PIBF1: variants seen among roughly 807,000 people sequenced by gnomAD.
The protein encoded by PIBF1 is progesterone-induced-blocking factor 1.
PIBF1 carries 90 observed loss-of-function variants against 112.5 expected under a neutral mutation model. That is an observed-to-expected ratio of 0.80 (90% confidence interval 0.67 to 0.95). PIBF1 has a LOEUF of 0.95. Ranked by LOEUF, PIBF1 falls within the 40% of genes least tolerant of loss-of-function variation. The probability of loss-of-function intolerance (pLI) is 0.00; values close to 1 mark genes in which losing one functional copy is unlikely to be tolerated. For synonymous variants in PIBF1, 301 were observed against 288.6 expected, an observed-to-expected ratio of 1.04 and a Z score of -0.44; for missense variants, 915 against 852.3, an observed-to-expected ratio of 1.07 and a Z score of -0.92.
rs997002646 is a variant in PIBF1 at position 72,931,520 on chromosome 13, G to T, written c.1833+253G>T. ...CTAGACAGACAGAGCTTTGATTTCT[G>T]AGAATATCAACTGGTAAAACAGGTT... is the stretch of plus-strand genomic sequence containing the variant. On this transcript the variant is annotated intron_variant, in intron 14 of 17. Coordinates refer to ENST00000326291, the MANE Select transcript of PIBF1 (RefSeq NM_006346.4). Among the ~76,000 whole-genome samples, 15 of 151,908 alleles carry T rather than the reference G, an allele frequency of 9.9e-5. 1 individual carries two copies. The highest frequency in any genetic ancestry group is 3.6e-4 in the African/African-American group (15 of 41,374).
chr13:72,889,920 T>A (rs1260192131), intron 10 of PIBF1, among the ~76,000 whole-genome samples: 1 of 152,160 alleles, frequency 6.6e-6, no homozygotes, highest in African/African-American at 2.4e-5. Context: ...CCATGAACAT[T>A]TTGTGTACAG....
In PIBF1 at chr13:72,877,906, C is replaced by T. The variant is rs149082903; in HGVS notation, c.1323-15878C>T. On this transcript the variant is annotated intron_variant, in intron 10 of 17. Transcript: ENST00000326291. The stretch of plus-strand genomic sequence containing the variant: ...CTGGGATTACAGGCATGCACCACCA[C>T]GCCTGGTTAATTTTGTATTTTTAGT... 4.6e-3 allele frequency among the ~76,000 whole-genome samples: 697 copies of T among 151,824 alleles called. 6 individuals carry two copies. Among genetic ancestry groups the T allele is most frequent in the African/African-American group, 0.015 (639 of 41,384 alleles).
At chr13:72,987,220 A>G (rs1378527282) in intron 16 of PIBF1, among the ~76,000 whole-genome samples, 3 of 152,240 alleles carry the variant, frequency 2.0e-5, no homozygotes. Flanking sequence ...AACAGGCAGT[A>G]AGAGATTTGT....
chr13:72,783,672 C>T lies in PIBF1; in HGVS notation c.203C>T (p.Ser68Phe). Residue 68 changes from serine (S) to phenylalanine (F), a missense_variant, in exon 2 of 18, where the codon TCC becomes TTC. Transcript: ENST00000326291. ...ATTCAGTTACTAAAAATTGAGCTAT[C>T]CCAGAAAACTATGATGATCGACAAT... ...HNIQLLKIELSQKTMMIDNLK... is the reference protein window; with the variant it reads ...HNIQLLKIELFQKTMMIDNLK... The T allele has an allele frequency of 1.2e-6, 2 of 1,613,758 alleles. No homozygotes were observed. The highest frequency in any genetic ancestry group is 1.3e-5 in the African/African-American group (1 of 75,018).
chr13:72,840,088 C>G (rs971029122), intron 9 of PIBF1, among the ~76,000 whole-genome samples: 5 of 152,142 alleles, frequency 3.3e-5, no homozygotes, highest in African/African-American at 1.2e-4. Context: ...CACAGGACAC[C>G]TAACTAGCTA....
chr13:72,815,413 C>A (rs1248634101), intron 5 of PIBF1, among the ~76,000 whole-genome samples: 5 of 152,066 alleles, frequency 3.3e-5, no homozygotes, highest in Admixed American at 2.0e-4. Flanking sequence ...AAATATGTTC[C>A]CCCACCGTTC....
chr13:72,806,187 A>G (rs556122627), intron 5 of PIBF1, among the ~76,000 whole-genome samples: 2 of 152,274 alleles, frequency 1.3e-5, no homozygotes, highest in East Asian at 3.9e-4. Context: ...ACTACCCACT[A>G]GACACTGATT....
At chr13:72,943,036 G>A (rs565709333) in intron 14 of PIBF1, among the ~76,000 whole-genome samples, 2 of 152,118 alleles carry the variant, frequency 1.3e-5, no homozygotes, top group East Asian at 1.9e-4. Context: ...AAGAACAGTG[G>A]CATTTATTTC....
At chr13:72,863,033 T>C (rs2138378939) in intron 10 of PIBF1, among the ~76,000 whole-genome samples, 1 of 152,222 alleles carries the variant, frequency 6.6e-6, no homozygotes, top group Admixed American at 6.5e-5. Flanking sequence ...TGTTTGTACA[T>C]ATATAATGTT....
intron 10 of PIBF1, among the ~76,000 whole-genome samples, chr13:72,880,070 T>C (rs2039563659): frequency 6.6e-6 from 1 of 152,208 alleles, no homozygotes; most frequent in Admixed American, 6.5e-5. Context: ...TCTGTCTGTT[T>C]CTTGGAGATC....
intron 16 of PIBF1, 172 bp downstream of exon 16, chr13:72,973,847 A>G: frequency 1.9e-6 from 1 of 517,774 alleles, no homozygotes; most frequent in Non-Finnish European, 3.4e-6. Context: ...TCTTAGAGTT[A>G]ATTCTTATTC....
At chr13:72,985,294 G>A (rs1306683205) in intron 16 of PIBF1, among the ~76,000 whole-genome samples, 6 of 145,466 alleles carry the variant, frequency 4.1e-5, no homozygotes, top group African/African-American at 7.6e-5. Flanking sequence ...TCGGGAGGCC[G>A]AAGCAGGGGG....
intron 11 of PIBF1, among the ~76,000 whole-genome samples, chr13:72,897,463 A>G (rs2040324343): frequency 6.6e-6 from 1 of 152,224 alleles, no homozygotes; most frequent in Non-Finnish European, 1.5e-5. Flanking sequence ...GGTACCTCAC[A>G]TTTCAGTACT....
intron 11 of PIBF1, among the ~76,000 whole-genome samples, chr13:72,902,439 T>A (rs138057055): frequency 6.6e-6 from 1 of 151,664 alleles, no homozygotes; most frequent in Non-Finnish European, 1.5e-5. Context: ...AAGAATTGAT[T>A]GTTGGCATCT....
At chr13:72,915,582 G>A (rs1285161346) in intron 12 of PIBF1, among the ~76,000 whole-genome samples, 2 of 152,042 alleles carry the variant, frequency 1.3e-5, no homozygotes, top group Non-Finnish European at 2.9e-5. Context: ...AACTATTAAG[G>A]AGAAACAAGA....
intron 4 of PIBF1, among the ~76,000 whole-genome samples, chr13:72,797,552 C>T (rs1433922551): frequency 4.6e-5 from 7 of 152,114 alleles, no homozygotes; most frequent in Non-Finnish European, 4.4e-5. Context: ...GGGGGAAGAA[C>T]TTCTCTAGCA....
rs141174293 is a variant in PIBF1 at position 73,000,489 on chromosome 13, G to A, written c.2223+1494G>A. Among the ~76,000 whole-genome samples the A allele has an allele frequency of 7.8e-3, 1,182 of 152,236 alleles. 7 individuals are homozygous for A. The highest frequency in any genetic ancestry group is 0.024 in the Middle Eastern group (7 of 294). On this transcript the variant is annotated intron_variant, in intron 17 of 17. Transcript: ENST00000326291. ...ACACAGTTCCAAATACAGCTGCCGA[G>A]GACTGTTTATTAAGGGCTATGGCTA...
intron 12 of PIBF1, among the ~76,000 whole-genome samples, chr13:72,911,756 G>A (rs546144611): frequency 6.6e-6 from 1 of 152,174 alleles, no homozygotes; most frequent in East Asian, 1.9e-4. Context: ...AAATATTGAG[G>A]AGAAAATATT....
chr13:72,793,919 C>T (rs908812339), intron 3 of PIBF1, among the ~76,000 whole-genome samples: 1 of 152,078 alleles, frequency 6.6e-6, no homozygotes, highest in East Asian at 1.9e-4. Flanking sequence ...TGGAGGTATA[C>T]GAAAAGTCTC....
Sources: gnomAD v4.1 joint callset for allele counts (sites outside exome capture counted in the v4.1 genomes callset) on GRCh38, gnomAD v4.1.1 for gene constraint, MANE v1.5 for transcripts, NCBI Gene and HGNC (gene_info 2026-07-23, HGNC 2026-07-21) for gene names.